The following THEMIS variants were observed in gnomAD, a reference collection of about 807,000 sequenced individuals.
THEMIS encodes the protein protein THEMIS.
Under a neutral mutation model 52.6 loss-of-function variants are expected in THEMIS, and 37 were observed. The observed-to-expected ratio is 0.70, with a 90% CI of 0.54 to 0.93. THEMIS has a LOEUF of 0.93. Ranked by LOEUF, THEMIS falls within the 40% of genes least tolerant of loss-of-function variation. The probability of loss-of-function intolerance (pLI) is 0.00; values close to 1 mark genes in which losing one functional copy is unlikely to be tolerated. For synonymous variants in THEMIS, 292 were observed against 272.7 expected, an observed-to-expected ratio of 1.07 and a Z score of -0.70; for missense variants, 808 against 763.1, an observed-to-expected ratio of 1.06 and a Z score of -0.69.
intron 4 of THEMIS, among the ~76,000 whole-genome samples, chr6:127,746,232 A>G (rs1775384049): frequency 6.6e-6 from 1 of 151,772 alleles, no homozygotes; most frequent in Admixed American, 6.6e-5. Flanking sequence ...TTCACTGAAA[A>G]ATATAATAGA....
At chr6:127,767,140 G>A (rs1421335323) in intron 4 of THEMIS, among the ~76,000 whole-genome samples, 1 of 150,512 alleles carries the variant, frequency 6.6e-6, no homozygotes, top group African/African-American at 2.5e-5. Context: ...CACCCAGGCT[G>A]GAGTGCAGTG....
intron 4 of THEMIS, among the ~76,000 whole-genome samples, chr6:127,781,073 T>C (rs1174472734): frequency 3.3e-5 from 5 of 152,110 alleles, no homozygotes. Flanking sequence ...CTATATTTCT[T>C]GGAGGCTTTG....
chr6:127,721,008 T>A (rs1299379936), intron 4 of THEMIS, among the ~76,000 whole-genome samples: 7 of 151,984 alleles, frequency 4.6e-5, no homozygotes, highest in African/African-American at 1.7e-4. Flanking sequence ...CAATGTGGCT[T>A]CTTCTGGCCC....
chr6:127,835,493 T>C lies in THEMIS; in HGVS notation c.251-5559A>G, dbSNP rs929287847. Among the ~76,000 whole-genome samples, 7 of 152,260 alleles carry C rather than the reference T, an allele frequency of 4.6e-5. No homozygotes were observed. The South Asian group carries it at 6.2e-4, about 14-fold the overall frequency. On this transcript the variant is annotated intron_variant, in intron 2 of 5. Transcript: ENST00000368248. ...TCATTGTGGTGATTAAATAAGCTAA[T>C]ACAGGTAACATGATTAGGTAGTACT...
Position 127,812,883 on chromosome 6 carries a change from C to T in THEMIS, c.1758G>A (p.Lys586=). Residue 586 remains lysine, a splice_region_variant and synonymous_variant, in exon 4 of 6, where the codon AAG becomes AAA. Transcript: ENST00000368248. The part of the protein sequence containing the change: ...ERTVDLPKSP[K]RHHVDITKKL... The stretch of plus-strand genomic sequence containing the variant: ...AAACATTGCAAAACCATAGCCTTAC[C>T]TTGGGAGACTTGGGCAGGTCTACCG... 1 of 1,589,602 alleles carries T rather than the reference C, an allele frequency of 6.3e-7. No homozygotes were observed. Among genetic ancestry groups the T allele is most frequent in the Non-Finnish European group, 8.6e-7 (1 of 1,167,466 alleles).
At chr6:127,901,389 A>C (rs910597089), upstream of THEMIS, among the ~76,000 whole-genome samples, 1 of 152,094 alleles carries the variant, frequency 6.6e-6, no homozygotes. Context: ...TGAATTCATT[A>C]TCTCTCTAGT....
At chr6:127,843,002 T>C (rs1207450200) in intron 2 of THEMIS, among the ~76,000 whole-genome samples, 1 of 152,034 alleles carries the variant, frequency 6.6e-6, no homozygotes, top group African/African-American at 2.4e-5. Context: ...GACAACTTGA[T>C]AGATGAAATC....
the THEMIS span, among the ~76,000 whole-genome samples, chr6:127,699,904 T>C: frequency 1.3e-5 from 2 of 151,864 alleles, no homozygotes; most frequent in East Asian, 1.9e-4. Context: ...GTTGGGCAAA[T>C]ATTTTTTTAA....
chr6:127,867,952 T>C (rs1297864349), intron 1 of THEMIS, among the ~76,000 whole-genome samples: 1 of 151,912 alleles, frequency 6.6e-6, no homozygotes, highest in Non-Finnish European at 1.5e-5. Context: ...ACAATTTTCT[T>C]TCTTCATTCA....
upstream of THEMIS, among the ~76,000 whole-genome samples, chr6:127,903,879 G>T (rs374327542): frequency 2.0e-5 from 3 of 151,992 alleles, no homozygotes; most frequent in Non-Finnish European, 2.9e-5. Flanking sequence ...TCTACCAAAG[G>T]CACCTAGAAG....
chr6:127,749,045 A>G (rs866907847), intron 4 of THEMIS, among the ~76,000 whole-genome samples: 8 of 152,100 alleles, frequency 5.3e-5, no homozygotes, highest in Admixed American at 5.3e-4. Context: ...TTAGTTTAAC[A>G]TTCCACAATT....
downstream of THEMIS, among the ~76,000 whole-genome samples, chr6:127,704,716 T>G (rs905310514): frequency 2.0e-5 from 3 of 152,088 alleles, no homozygotes; most frequent in East Asian, 5.8e-4. Flanking sequence ...CATACAAGAC[T>G]GGGGTGGAGC....
intron 3 of THEMIS, among the ~76,000 whole-genome samples, chr6:127,819,841 A>G (rs1381741633): frequency 6.6e-6 from 1 of 152,220 alleles, no homozygotes; most frequent in East Asian, 1.9e-4. Context: ...AGATGTACAC[A>G]CAGAAAGGAA....
chr6:127,781,290 T>G (rs1006266792), intron 4 of THEMIS, among the ~76,000 whole-genome samples: 1 of 152,022 alleles, frequency 6.6e-6, no homozygotes, highest in East Asian at 2.0e-4. Flanking sequence ...TAGCAATTCA[T>G]CTAACCTTTT....
intron 3 of THEMIS, among the ~76,000 whole-genome samples, chr6:127,824,964 G>A (rs1778459267): frequency 6.7e-6 from 1 of 148,406 alleles, no homozygotes; most frequent in African/African-American, 2.5e-5. Context: ...AAAACTAACT[G>A]AAATATTCTC....
chr6:127,816,089 T>C (rs191484917), intron 3 of THEMIS, among the ~76,000 whole-genome samples: 44 of 152,290 alleles, frequency 2.9e-4, no homozygotes, highest in African/African-American at 9.4e-4. Context: ...CCTATCTTAT[T>C]TTACTTAAGA....
chr6:127,784,680 T>C (rs1322158320), intron 4 of THEMIS, among the ~76,000 whole-genome samples: 3 of 152,188 alleles, frequency 2.0e-5, no homozygotes, highest in African/African-American at 7.2e-5. Flanking sequence ...GCTCTGAAGA[T>C]ACTGAGCACT....
chr6:127,882,921 T>G (rs562194138), intron 1 of THEMIS, among the ~76,000 whole-genome samples: 1 of 151,960 alleles, frequency 6.6e-6, no homozygotes, highest in African/African-American at 2.4e-5. Context: ...AAAGTAGGCA[T>G]GATTTTTGCT....
chr6:127,890,494 A>C (rs1419759707), intron 1 of THEMIS, among the ~76,000 whole-genome samples: 2 of 152,184 alleles, frequency 1.3e-5, no homozygotes, highest in African/African-American at 4.8e-5. Context: ...ACAGTTAGCT[A>C]GAAGGAATAA....
Sources: allele counts gnomAD v4.1 joint callset (sites outside exome capture counted in the v4.1 genomes callset), GRCh38; gene constraint gnomAD v4.1.1; transcripts MANE v1.5; gene names NCBI Gene and HGNC (gene_info 2026-07-23, HGNC 2026-07-21).